Variants in USP4 observed in about 807,000 individuals in gnomAD.
USP4 encodes ubiquitin carboxyl-terminal hydrolase 4.
In USP4, 72 loss-of-function variants were observed where a neutral mutation model predicts 118.2. The ratio of observed to expected loss-of-function variants is 0.61; its 90% CI spans 0.50 to 0.74. The LOEUF is 0.74. USP4 is among the 30% of genes least tolerant of loss of function. The pLI, the probability that USP4 is intolerant of heterozygous loss-of-function variation, is 0.00. For synonymous variants in USP4, 415 were observed against 440.4 expected (o/e 0.94, Z 0.72); for missense variants, 1,037 against 1,185.7 (o/e 0.87, Z 1.84).
chr3:49,335,675 T>C (rs2047661735), intron 1 of USP4, 79 bp from the exon 2 acceptor site: 14 of 1,554,800 alleles, frequency 9.0e-6, no homozygotes, highest in Admixed American at 1.7e-5. Flanking sequence ...ATCTTTTTTA[T>C]GGTCCTTCCA....
chr3:49,317,542 GTTTT>G (rs71077785), intron 6 of USP4: 86 of 512,834 alleles, frequency 1.7e-4, no homozygotes, highest in Middle Eastern at 4.5e-4. Flanking sequence ...TTGTTTGTTT[GTTTT>G]TTTTTTTTTT....
chr3:49,292,445 TAGA>T (rs1336520768), intron 15 of USP4, 62 bp downstream of exon 15: 13 of 1,141,400 alleles, frequency 1.1e-5, no homozygotes, highest in Middle Eastern at 2.0e-4. Context: ...GTAACACCTT[TAGA>T]AGAAGAGGGA....
chr3:49,302,831 A>G (rs2047275291), intron 9 of USP4, among the ~76,000 whole-genome samples: 1 of 152,198 alleles, frequency 6.6e-6, no homozygotes, highest in Non-Finnish European at 1.5e-5. Flanking sequence ...AAGTACTGAC[A>G]TGAATCCCTC....
chr3:49,281,410 C>T (rs554795193), intron 19 of USP4, among the ~76,000 whole-genome samples: 2 of 150,924 alleles, frequency 1.3e-5, no homozygotes, highest in South Asian at 2.1e-4. Context: ...GAGCCAAGAT[C>T]GCACTACTGC....
chr3:49,303,872 C>T (rs1157095718), intron 9 of USP4, among the ~76,000 whole-genome samples: 1 of 152,166 alleles, frequency 6.6e-6, no homozygotes, highest in Non-Finnish European at 1.5e-5. Flanking sequence ...CATGCCTTGG[C>T]CTCCCGAGTT....
At chr3:49,289,700 AT>A (rs2047132111) in intron 15 of USP4, among the ~76,000 whole-genome samples, 1 of 151,572 alleles carries the variant, frequency 6.6e-6, no homozygotes, top group Non-Finnish European at 1.5e-5. Flanking sequence ...GTGAAACCCC[AT>A]CTCTACTAAA....
chr3:49,333,911 C>T (rs1479403369), intron 2 of USP4, among the ~76,000 whole-genome samples: 3 of 152,018 alleles, frequency 2.0e-5, no homozygotes, highest in African/African-American at 4.8e-5. Flanking sequence ...CCTAGCTACT[C>T]GGGAGGCTGA....
At chr3:49,314,588 G>C (rs1161324048) in intron 6 of USP4, among the ~76,000 whole-genome samples, 3 of 152,224 alleles carry the variant, frequency 2.0e-5, no homozygotes, top group African/African-American at 7.2e-5. Flanking sequence ...TGCAATGGCA[G>C]ACTCAGTCAT....
At chr3:49,294,770 C>A (rs2047185960) in intron 13 of USP4, among the ~76,000 whole-genome samples, 172 bp from the exon 14 acceptor site, 1 of 152,168 alleles carries the variant, frequency 6.6e-6, no homozygotes, top group African/African-American at 2.4e-5. Context: ...AGTCAGGAAT[C>A]CCTAGAAGGA....
chr3:49,278,375 C>T lies in USP4; in HGVS notation c.2810G>A (p.Gly937Asp). ...FYKTPSLSSSGSSDGGTRPSS... is the reference protein window; with the variant it reads ...FYKTPSLSSSDSSDGGTRPSS... The stretch of plus-strand genomic sequence containing the variant: ...TGGTCGTGTCCCTCCATCAGAGGAA[C>T]CAGAACTGCTAAGTGAAGGTGTCTT... The change falls in exon 22 of 22, where the codon GGT becomes GAT. Residue 937 changes from glycine to aspartate, a missense_variant. Transcript: ENST00000265560. The T allele has an allele frequency of 1.9e-6, 3 of 1,614,126 alleles. No homozygotes were observed. The highest frequency in any genetic ancestry group is 8.5e-7 in the Non-Finnish European group (1 of 1,180,030).
chr3:49,283,889 C>T, intron 19 of USP4, 98 bp downstream of exon 19: 1 of 1,475,016 alleles, frequency 6.8e-7, no homozygotes, highest in Non-Finnish European at 9.3e-7. Context: ...CACATCCTTA[C>T]TCAGAAAAGT....
At chr3:49,304,715 G>A (rs1373483421) in intron 9 of USP4, among the ~76,000 whole-genome samples, 1 of 151,810 alleles carries the variant, frequency 6.6e-6, no homozygotes, top group Admixed American at 6.6e-5. Flanking sequence ...CAGCCTCCCT[G>A]GTAGCCGGGA....
At chr3:49,323,061 G>A (rs1005289776) in intron 6 of USP4, among the ~76,000 whole-genome samples, 9 of 150,588 alleles carry the variant, frequency 6.0e-5, no homozygotes, top group Non-Finnish European at 7.4e-5. Flanking sequence ...TCCGCCTCCC[G>A]GGTTCAAGCG....
intron 6 of USP4, among the ~76,000 whole-genome samples, chr3:49,322,205 G>A (rs1343512015): frequency 6.6e-6 from 1 of 152,150 alleles, no homozygotes; most frequent in Non-Finnish European, 1.5e-5. Flanking sequence ...AAAGTTTTAA[G>A]TCAACAGAAT....
At chr3:49,284,766 G>T in intron 17 of USP4, 83 bp downstream of exon 17, 3 of 1,387,088 alleles carry the variant, frequency 2.2e-6, no homozygotes, top group Non-Finnish European at 3.0e-6. Flanking sequence ...CTAAATTGCT[G>T]TCCAACTGGT....
chr3:49,286,460 A>T, intron 15 of USP4, 135 bp from the exon 16 acceptor site: 3 of 884,284 alleles, frequency 3.4e-6, no homozygotes, highest in Non-Finnish European at 5.1e-6. Flanking sequence ...ATTCCTTTGC[A>T]TTTAACTTGA....
intron 2 of USP4, among the ~76,000 whole-genome samples, chr3:49,332,615 G>A (rs778423180): frequency 1.3e-5 from 2 of 151,916 alleles, no homozygotes; most frequent in East Asian, 3.9e-4. Context: ...TTGAGAGGCC[G>A]AGGCAGGCGG....
chr3:49,278,524 T>C, intron 21 of USP4, 73 bp from the exon 22 acceptor site: 3 of 1,542,652 alleles, frequency 1.9e-6, no homozygotes, highest in South Asian at 1.2e-5. Flanking sequence ...TTTCTCTAGC[T>C]GTCCAAAACC....
rs559080479 is a variant in USP4, at chr3:49,310,683, T to C, written c.891A>G (p.Ile297Met). ...TTCCAAGTCCACAGAGCCCAGGTTG[T>C]ATATGAGAGGATGGTGGCTCCTGAC... is the stretch of plus-strand genomic sequence containing the variant. ...YNCQEPPSSHIQPGLCGLGNL... is the reference protein window; with the variant it reads ...YNCQEPPSSHMQPGLCGLGNL... The change falls in exon 8 of 22, where the codon ATA becomes ATG. Residue 297 changes from isoleucine to methionine, a missense_variant. By Grantham distance (10) the Ile-to-Met change is conservative. This residue lies in a region of USP4 where 487 missense variants were observed against 534.1 expected (regional missense o/e 0.91). Transcript: ENST00000265560. 6.2e-7 allele frequency: 1 copy of C among 1,614,126 alleles called. No individual in the cohort carries two copies. The highest frequency in any genetic ancestry group is 8.5e-7 in the Non-Finnish European group (1 of 1,180,020).
Sources: allele counts gnomAD v4.1 joint callset (sites outside exome capture counted in the v4.1 genomes callset), GRCh38; gene constraint gnomAD v4.1.1; regional missense constraint gnomAD v4.1.1; transcripts MANE v1.5; gene names NCBI Gene and HGNC (gene_info 2026-07-23, HGNC 2026-07-21).